Variants in PDCD10 observed in about 807,000 individuals in gnomAD.
The protein encoded by PDCD10 is programmed cell death protein 10.
Under a neutral mutation model 29.2 loss-of-function variants are expected in PDCD10, and 4 were observed. The observed-to-expected ratio is 0.14, with a 90% confidence interval of 0.07 to 0.31. PDCD10 has a LOEUF of 0.31. PDCD10 is among the 10% of genes least tolerant of loss of function. The probability of loss-of-function intolerance (pLI) is 1.00; values close to 1 mark genes in which losing one functional copy is unlikely to be tolerated. For synonymous variants in PDCD10, 70 were observed against 82.2 expected, an observed-to-expected ratio of 0.85 and a Z score of 0.80; for missense variants, 183 against 257.9, an observed-to-expected ratio of 0.71 and a Z score of 1.99.
At chr3:167,718,850 C>G (rs1043827405) in intron 3 of PDCD10, among the ~76,000 whole-genome samples, 1 of 151,942 alleles carries the variant, frequency 6.6e-6, no homozygotes, top group East Asian at 1.9e-4. Context: ...CATAACAATA[C>G]TAGCCCTGGA....
chr3:167,714,384 A>G (rs1186989578), intron 3 of PDCD10, among the ~76,000 whole-genome samples: 1 of 151,888 alleles, frequency 6.6e-6, no homozygotes, highest in African/African-American at 2.4e-5. Flanking sequence ...ACGATGTGGT[A>G]AACGACAAGG....
chr3:167,704,979 A>C, intron 3 of PDCD10, 84 bp from the exon 4 acceptor site: 1 of 771,936 alleles, frequency 1.3e-6, no homozygotes, highest in Non-Finnish European at 2.2e-6. Flanking sequence ...TAGCAATCAC[A>C]TGAACACATT....
At chr3:167,706,510 T>C (rs535774012) in intron 3 of PDCD10, among the ~76,000 whole-genome samples, 58 of 152,234 alleles carry the variant, frequency 3.8e-4, no homozygotes, top group Admixed American at 9.8e-4. Flanking sequence ...TGAACTACTA[T>C]AGGCAACTGT....
In PDCD10 at chr3:167,720,128, A is replaced by T. The variant is rs1487807396; in HGVS notation, c.30T>A (p.Asn10Lys). The stretch of plus-strand genomic sequence containing the variant: ...AAACCATGGATGTGGTCTCAGCTTC[A>T]TTCTTCATCTCTTCCATTGTCATCC... The part of the protein sequence containing the change: MRMTMEEMK[N>K]EAETTSMVSM... The change falls in exon 3 of 9, where the codon AAT becomes AAA. Residue 10 changes from asparagine (N) to lysine (K), a missense_variant. Transcript: ENST00000392750. The T allele has an allele frequency of 1.2e-6, 2 of 1,612,350 alleles. No homozygotes were observed. The highest frequency in any genetic ancestry group is 2.2e-5 in the South Asian group (2 of 91,038).
chr3:167,723,709 A>G (rs1723810861), intron 2 of PDCD10, among the ~76,000 whole-genome samples: 1 of 152,356 alleles, frequency 6.6e-6, no homozygotes, highest in Admixed American at 6.5e-5. Flanking sequence ...AGTTCAAAGT[A>G]AGCTTTGTGT....
chr3:167,704,727 A>G (rs943565213), intron 4 of PDCD10, 115 bp downstream of exon 4: 1 of 737,908 alleles, frequency 1.4e-6, no homozygotes, highest in Non-Finnish European at 2.4e-6. Flanking sequence ...TAAAACAGGC[A>G]TAAGATGGCT....
chr3:167,719,594 C>T (rs1723366033), intron 3 of PDCD10, among the ~76,000 whole-genome samples: 1 of 152,096 alleles, frequency 6.6e-6, no homozygotes, highest in South Asian at 2.1e-4. Flanking sequence ...TCACCACTGA[C>T]AATATAATTA....
chr3:167,714,786 T>C (rs1054862170), intron 3 of PDCD10, among the ~76,000 whole-genome samples: 9 of 151,572 alleles, frequency 5.9e-5, no homozygotes, highest in South Asian at 2.1e-4. Context: ...ACGAAGGCAA[T>C]TGGACACAAA....
At chr3:167,722,485 G>A (rs746450456) in intron 2 of PDCD10, among the ~76,000 whole-genome samples, 9 of 152,156 alleles carry the variant, frequency 5.9e-5, no homozygotes, top group African/African-American at 1.4e-4. Flanking sequence ...GTAGCCAAAA[G>A]TTTTAAGTGC....
intron 6 of PDCD10, among the ~76,000 whole-genome samples, chr3:167,691,996 T>G (rs1279052795): frequency 6.6e-6 from 1 of 152,218 alleles, no homozygotes; most frequent in Non-Finnish European, 1.5e-5. Flanking sequence ...GTTATTAAGA[T>G]GACATTGATT....
chr3:167,716,228 T>G (rs570100242), intron 3 of PDCD10, among the ~76,000 whole-genome samples: 1 of 151,824 alleles, frequency 6.6e-6, no homozygotes, highest in African/African-American at 2.4e-5. Flanking sequence ...ATAATTGAAC[T>G]CATGGAGATA....
Position 167,704,913 on chromosome 3 carries a change from A to T in PDCD10, c.97-18T>A. On this transcript the variant is annotated intron_variant, in intron 3 of 8. Transcript: ENST00000392750. ...CGTTCTAGCTGCAATAAAAATTTTA[A>T]ATTATTATGAATATCAACTTTCTTG... 6.6e-7 allele frequency: 1 copy of T among 1,522,110 alleles called. No individual in the cohort carries two copies. The highest frequency in any genetic ancestry group is 9.1e-7 in the Non-Finnish European group (1 of 1,101,386). The allele number at this position is 1,522,110 out of a possible 1,614,324, so 94.3% of individuals were successfully genotyped here.
chr3:167,689,304 A>G (rs909377463), intron 6 of PDCD10, among the ~76,000 whole-genome samples: 2 of 152,236 alleles, frequency 1.3e-5, no homozygotes, highest in Admixed American at 1.3e-4. Context: ...CAATTTCAAC[A>G]AATAAAACAT....
chr3:167,717,434 A>T (rs781089721), intron 3 of PDCD10, among the ~76,000 whole-genome samples: 1 of 152,068 alleles, frequency 6.6e-6, no homozygotes, highest in Non-Finnish European at 1.5e-5. Flanking sequence ...ACTATGGTAC[A>T]ATTTTGCAGA....
intron 3 of PDCD10, among the ~76,000 whole-genome samples, chr3:167,711,459 C>A (rs903070868): frequency 6.6e-6 from 1 of 152,048 alleles, no homozygotes. Context: ...TGAAGACAGG[C>A]TATTGAAAAT....
chr3:167,722,646 G>C (rs1310714873), intron 2 of PDCD10, among the ~76,000 whole-genome samples: 22 of 152,170 alleles, frequency 1.4e-4, no homozygotes, highest in Non-Finnish European at 2.4e-4. Context: ...AAGAATCTCG[G>C]TATAAAGGAG....
At chr3:167,715,077 C>T (rs1039256846) in intron 3 of PDCD10, among the ~76,000 whole-genome samples, 2 of 151,582 alleles carry the variant, frequency 1.3e-5, no homozygotes, top group African/African-American at 4.8e-5. Flanking sequence ...AAAACCAGAC[C>T]AATGGAACAG....
chr3:167,692,378 T>G (rs1720341341), intron 6 of PDCD10, among the ~76,000 whole-genome samples: 1 of 152,208 alleles, frequency 6.6e-6, no homozygotes, highest in Non-Finnish European at 1.5e-5. Flanking sequence ...CAACAAAGTT[T>G]TGATTGTGTT....
At chr3:167,718,330 T>C (rs554829813) in intron 3 of PDCD10, among the ~76,000 whole-genome samples, 1 of 152,204 alleles carries the variant, frequency 6.6e-6, no homozygotes, top group East Asian at 1.9e-4. Context: ...CAGTAAGTAT[T>C]TACTAAACAG....
Sources: allele counts gnomAD v4.1 joint callset (sites outside exome capture counted in the v4.1 genomes callset), GRCh38; gene constraint gnomAD v4.1.1; transcripts MANE v1.5; gene names NCBI Gene and HGNC (gene_info 2026-07-23, HGNC 2026-07-21).